The following KLF12 variants were observed in gnomAD, a reference collection of about 807,000 sequenced individuals.
KLF12 encodes KLF transcription factor 12.
KLF12 carries 9 observed loss-of-function variants against 37.8 expected under a neutral mutation model. The ratio of observed to expected loss-of-function variants is 0.24; its 90% confidence interval spans 0.14 to 0.42. The LOEUF is 0.42. KLF12 is among the 10% of genes least tolerant of loss of function. The probability of loss-of-function intolerance (pLI) is 1.00; values close to 1 mark genes in which losing one functional copy is unlikely to be tolerated. For missense variants in KLF12, 411 were observed against 516.0 expected (o/e 0.80, Z 1.97); for synonymous variants, 208 against 202.1 (o/e 1.03, Z -0.25).
chr13:73,814,452 C>T (rs1000566888), intron 4 of KLF12, among the ~76,000 whole-genome samples: 4 of 152,166 alleles, frequency 2.6e-5, no homozygotes, highest in Non-Finnish European at 5.9e-5. Flanking sequence ...CTAATATTTA[C>T]AGTCTGGCTA....
chr13:73,829,819 T>C (rs1027774401), intron 4 of KLF12, among the ~76,000 whole-genome samples: 31 of 152,196 alleles, frequency 2.0e-4, no homozygotes, highest in African/African-American at 1.7e-4. Context: ...TTAAGGATGA[T>C]TGCATTCTCA....
intron 1 of KLF12, among the ~76,000 whole-genome samples, chr13:74,110,231 G>A (rs1876897378): frequency 1.3e-5 from 2 of 152,122 alleles, no homozygotes; most frequent in Non-Finnish European, 1.5e-5. Context: ...CTCGCCCAGA[G>A]CTCAAGTTGC....
At chr13:74,277,507 T>A in the KLF12 span, among the ~76,000 whole-genome samples, 9 of 152,112 alleles carry the variant, frequency 5.9e-5, no homozygotes, top group Non-Finnish European at 1.3e-4. Context: ...AATACAAAAA[T>A]GAATAAGACA....
chr13:73,971,216 T>G (rs908529574), intron 2 of KLF12, among the ~76,000 whole-genome samples: 2 of 152,212 alleles, frequency 1.3e-5, no homozygotes, highest in Non-Finnish European at 2.9e-5. Flanking sequence ...TAAACTCTTC[T>G]TGCCAGAGAC....
intron 1 of KLF12, among the ~76,000 whole-genome samples, chr13:74,026,233 T>C (rs972691148): frequency 1.3e-5 from 2 of 151,196 alleles, no homozygotes; most frequent in Non-Finnish European, 2.9e-5. Flanking sequence ...CCAAAATATA[T>C]GTGTAGAAAA....
intron 6 of KLF12, among the ~76,000 whole-genome samples, chr13:73,723,012 A>C (rs538719810): frequency 6.6e-6 from 1 of 152,230 alleles, no homozygotes; most frequent in Non-Finnish European, 1.5e-5. Flanking sequence ...AAAAAACTTA[A>C]AAGTATGACA....
chr13:73,739,237 TTAATAATAATAATAATAATAA>T (rs138002893), intron 6 of KLF12, among the ~76,000 whole-genome samples: 2 of 143,602 alleles, frequency 1.4e-5, no homozygotes, highest in African/African-American at 2.6e-5. Flanking sequence ...CTGTCTCAAA[TTAATAATAATAATAATAATAA>T]TAATAATAAT....
intron 3 of KLF12, among the ~76,000 whole-genome samples, chr13:73,911,987 T>A (rs951485522): frequency 4.6e-5 from 7 of 152,364 alleles, no homozygotes; most frequent in Admixed American, 4.6e-4. Context: ...TTTTGTTTTG[T>A]TGCAATAAGG....
At chr13:73,758,170 G>C (rs993408974) in intron 6 of KLF12, among the ~76,000 whole-genome samples, 1 of 152,004 alleles carries the variant, frequency 6.6e-6, no homozygotes, top group Non-Finnish European at 1.5e-5. Context: ...AAGTCTCTGG[G>C]ATTACAGGAA....
At chr13:73,954,694 A>G (rs1890774160) in intron 2 of KLF12, among the ~76,000 whole-genome samples, 1 of 152,212 alleles carries the variant, frequency 6.6e-6, no homozygotes, top group African/African-American at 2.4e-5. Flanking sequence ...GAGAAGAAAG[A>G]TATCTTGCAT....
intron 1 of KLF12, among the ~76,000 whole-genome samples, chr13:74,082,765 G>T (rs1162081806): frequency 6.6e-6 from 1 of 152,174 alleles, no homozygotes; most frequent in East Asian, 1.9e-4. Context: ...AGCAAGCACA[G>T]AATATAACTT....
At chr13:74,275,584 T>C in the KLF12 span, among the ~76,000 whole-genome samples, 1 of 152,184 alleles carries the variant, frequency 6.6e-6, no homozygotes, top group African/African-American at 2.4e-5. Flanking sequence ...AAATACAGTA[T>C]GGTTTAATTA....
At chr13:73,706,713 T>C (rs1339794435) in intron 7 of KLF12, among the ~76,000 whole-genome samples, 1 of 152,200 alleles carries the variant, frequency 6.6e-6, no homozygotes, top group Non-Finnish European at 1.5e-5. Context: ...GCAACCTGCA[T>C]AGAGCTCGCT....
the KLF12 span, among the ~76,000 whole-genome samples, chr13:74,256,614 G>C: frequency 6.6e-6 from 1 of 152,084 alleles, no homozygotes; most frequent in South Asian, 2.1e-4. Flanking sequence ...ACACATTGGT[G>C]GTGGTGGTAG....
intron 4 of KLF12, among the ~76,000 whole-genome samples, chr13:73,828,796 T>C (rs1028428936): frequency 3.9e-5 from 6 of 151,968 alleles, no homozygotes; most frequent in Admixed American, 3.3e-4. Context: ...TTAAGCTTCA[T>C]TTCCGCTTCT....
the KLF12 span, among the ~76,000 whole-genome samples, chr13:74,149,119 G>A: frequency 2.0e-5 from 3 of 152,184 alleles, no homozygotes; most frequent in South Asian, 4.1e-4. Flanking sequence ...CTGGCTTGTT[G>A]TTGGATGTCT....
chr13:74,223,968 G>C, the KLF12 span, among the ~76,000 whole-genome samples: 1 of 152,162 alleles, frequency 6.6e-6, no homozygotes, highest in Non-Finnish European at 1.5e-5. Flanking sequence ...CCATTCATTT[G>C]CTAGAAGGGA....
intron 5 of KLF12, among the ~76,000 whole-genome samples, chr13:73,784,517 A>ACC (rs57440607): frequency 1.3e-5 from 2 of 150,686 alleles, no homozygotes; most frequent in South Asian, 2.1e-4. Flanking sequence ...AGCCTTGCTG[A>ACC]CCCCCCACTC....
At position 74,044,041 on chromosome 13, in the gene KLF12, A is replaced by G. The variant is rs565227353; in HGVS notation, c.-31-48988T>C. ...TCAATAAATAATTTCTCCAGTCAGA[A>G]TATTAATACAAACTTTCTTATACCT... On this transcript the variant is annotated intron_variant, in intron 1 of 7. Transcript: ENST00000377669. Among the ~76,000 whole-genome samples the G allele has an allele frequency of 1.5e-4, 23 of 152,376 alleles. No individual in the cohort carries two copies. The South Asian group carries it at 4.8e-3, about 32-fold the overall frequency.
Sources: allele counts gnomAD v4.1 joint callset (sites outside exome capture counted in the v4.1 genomes callset), GRCh38; gene constraint gnomAD v4.1.1; transcripts MANE v1.5; gene names NCBI Gene and HGNC (gene_info 2026-07-23, HGNC 2026-07-21).